The following THSD7B variants were observed in gnomAD, a reference collection of about 807,000 sequenced individuals.
THSD7B encodes thrombospondin type-1 domain-containing protein 7B.
Under a neutral mutation model 213.6 loss-of-function variants are expected in THSD7B, and 138 were observed. That is an observed-to-expected ratio of 0.65 (90% CI 0.56 to 0.74). The LOEUF is 0.74. Ranked by LOEUF, THSD7B falls within the 30% of genes least tolerant of loss-of-function variation. The pLI is 0.00. For synonymous variants in THSD7B, 742 were observed against 687.0 expected (o/e 1.08, Z -1.25); for missense variants, 1,931 against 1,991.5 (o/e 0.97, Z 0.58).
intron 2 of THSD7B, among the ~76,000 whole-genome samples, chr2:136,882,655 G>A (rs1683645334): frequency 6.6e-6 from 1 of 152,202 alleles, no homozygotes; most frequent in Non-Finnish European, 1.5e-5. Context: ...TCTCAGCTAA[G>A]AACGCTTTGG....
intron 3 of THSD7B, among the ~76,000 whole-genome samples, chr2:137,091,880 C>T (rs1341356415): frequency 2.0e-5 from 3 of 152,116 alleles, no homozygotes; most frequent in South Asian, 2.1e-4. Flanking sequence ...GGAAACTTCT[C>T]GTCGACTTAC....
At chr2:137,281,255 G>T (rs1683003567) in intron 12 of THSD7B, among the ~76,000 whole-genome samples, 2 of 151,720 alleles carry the variant, frequency 1.3e-5, no homozygotes, top group South Asian at 2.1e-4. Flanking sequence ...GTTTTTCTTT[G>T]CATTCAAGGA....
At chr2:136,992,857 C>T (rs543634244) in intron 2 of THSD7B, among the ~76,000 whole-genome samples, 12 of 152,230 alleles carry the variant, frequency 7.9e-5, no homozygotes, top group South Asian at 6.2e-4. Flanking sequence ...ATGGGTCATC[C>T]GCAATGTCTG....
intron 14 of THSD7B, among the ~76,000 whole-genome samples, chr2:137,424,352 A>C (rs1383875973): frequency 1.3e-5 from 2 of 152,180 alleles, no homozygotes; most frequent in African/African-American, 4.8e-5. Flanking sequence ...AAAAAATACC[A>C]TTAAGAATAT....
chr2:137,561,980 AAT>A (rs1681128766), intron 15 of THSD7B, among the ~76,000 whole-genome samples: 1 of 152,202 alleles, frequency 6.6e-6, no homozygotes, highest in Admixed American at 6.6e-5. Context: ...GATGGTTAAA[AAT>A]AGTTTCTGAC....
chr2:137,067,804 T>C (rs1687409034), intron 3 of THSD7B, among the ~76,000 whole-genome samples: 1 of 152,064 alleles, frequency 6.6e-6, no homozygotes, highest in Admixed American at 6.6e-5. Flanking sequence ...AGAATTCTCT[T>C]GGTGTCTTTC....
intron 15 of THSD7B, among the ~76,000 whole-genome samples, chr2:137,545,029 T>A (rs1680682302): frequency 6.6e-6 from 1 of 151,768 alleles, no homozygotes; most frequent in South Asian, 2.1e-4. Context: ...CTTCAAGGCA[T>A]GTGTCTGTCT....
chr2:136,801,291 A>AG (rs576895966), intron 1 of THSD7B, among the ~76,000 whole-genome samples: 1 of 152,090 alleles, frequency 6.6e-6, no homozygotes, highest in Non-Finnish European at 1.5e-5. Context: ...GGACCACCAA[A>AG]GTTCAGTTTC....
At chr2:137,121,837 C>A (rs751009835) in intron 5 of THSD7B, among the ~76,000 whole-genome samples, 1 of 152,180 alleles carries the variant, frequency 6.6e-6, no homozygotes, top group Non-Finnish European at 1.5e-5. Flanking sequence ...TGATTGAATT[C>A]TCTTTGTTTT....
At chr2:137,082,931 A>G (rs1384413292) in intron 3 of THSD7B, among the ~76,000 whole-genome samples, 1 of 152,098 alleles carries the variant, frequency 6.6e-6, no homozygotes, top group East Asian at 1.9e-4. Flanking sequence ...ACTCCTCAGG[A>G]ATTTAATATC....
At position 137,231,121 on chromosome 2, in the gene THSD7B, G is replaced by A; in HGVS notation, c.1801G>A (p.Asp601Asn). 1 of 1,613,836 alleles carries A rather than the reference G, an allele frequency of 6.2e-7. No individual in the cohort carries two copies. The highest frequency in any genetic ancestry group is 8.5e-7 in the Non-Finnish European group (1 of 1,179,800). Residue 601 changes from aspartate (D) to asparagine (N), a missense_variant, in exon 8 of 28, where the codon GAC (aspartate) becomes AAC (asparagine). Physicochemically the swap from Asp to Asn is conservative, Grantham distance 23 (BLOSUM62 1). Transcript: ENST00000409968. Reference protein sequence around the residue: ...RKSCEIPCRMDCVLSEWTEWS... With the variant: ...RKSCEIPCRMNCVLSEWTEWS... ...GTCTTGTGAAATTCCCTGCCGAATG[G>A]ACTGTGTGCTGAGCGAGTGGACGGA...
chr2:137,319,054 C>T (rs939831711), intron 12 of THSD7B, among the ~76,000 whole-genome samples: 2 of 151,844 alleles, frequency 1.3e-5, no homozygotes, highest in Admixed American at 6.6e-5. Context: ...GTCATTTACT[C>T]GTCTTACTGT....
chr2:137,387,729 G>A (rs1435378564), intron 12 of THSD7B, among the ~76,000 whole-genome samples: 5 of 152,136 alleles, frequency 3.3e-5, no homozygotes, highest in Non-Finnish European at 7.3e-5. Context: ...GGATTTAAGA[G>A]TTCAACTAAA....
chr2:136,898,041 G>A (rs139544773), intron 2 of THSD7B, among the ~76,000 whole-genome samples: 135 of 152,174 alleles, frequency 8.9e-4, no homozygotes, highest in African/African-American at 3.0e-3. Flanking sequence ...TGATTGGTGC[G>A]TTTACAATCT....
At chr2:137,523,923 A>G (rs1680232137) in intron 15 of THSD7B, among the ~76,000 whole-genome samples, 1 of 151,958 alleles carries the variant, frequency 6.6e-6, no homozygotes, top group African/African-American at 2.4e-5. Context: ...TCCTCAACAC[A>G]TGACTTTTAG....
intron 2 of THSD7B, among the ~76,000 whole-genome samples, chr2:136,895,514 CTTTTTTTTTTTT>C (rs71301798): frequency 8.1e-5 from 6 of 73,908 alleles, no homozygotes; most frequent in African/African-American, 2.0e-4. Context: ...CAAGTGGAGA[CTTTTTTTTTTTT>C]TTTTTTTTTT....
intron 2 of THSD7B, among the ~76,000 whole-genome samples, chr2:136,986,362 C>T (rs553413710): frequency 2.0e-5 from 3 of 152,220 alleles, no homozygotes; most frequent in East Asian, 3.9e-4. Flanking sequence ...CATGTGAAAT[C>T]GAATTCAAAA....
intron 2 of THSD7B, among the ~76,000 whole-genome samples, chr2:137,043,765 T>C (rs1686922901): frequency 6.6e-6 from 1 of 152,176 alleles, no homozygotes; most frequent in Non-Finnish European, 1.5e-5. Flanking sequence ...ACTGATGACC[T>C]GTTTAAAAGG....
chr2:136,790,492 T>G (rs1298237407), intron 1 of THSD7B, among the ~76,000 whole-genome samples: 1 of 152,150 alleles, frequency 6.6e-6, no homozygotes, highest in Non-Finnish European at 1.5e-5. Context: ...TGATCTCCAC[T>G]TTTATTGCAA....
Sources: allele counts gnomAD v4.1 joint callset (sites outside exome capture counted in the v4.1 genomes callset), GRCh38; gene constraint gnomAD v4.1.1; transcripts MANE v1.5; gene names NCBI Gene and HGNC (gene_info 2026-07-23, HGNC 2026-07-21).